The following FER variants were observed in gnomAD, a reference collection of about 807,000 sequenced individuals.
The protein encoded by FER is FER tyrosine kinase.
A neutral mutation model predicts 111.0 loss-of-function variants in FER; 63 were observed. The ratio of observed to expected loss-of-function variants is 0.57; its 90% confidence interval spans 0.46 to 0.70. The LOEUF (loss-of-function observed/expected upper bound fraction) is 0.70, where lower values mean the gene tolerates loss of function less well. FER is among the 30% of genes least tolerant of loss of function. FER has a pLI of 0.00. For missense variants in FER, 914 were observed against 954.0 expected (o/e 0.96, Z 0.55); for synonymous variants, 327 against 313.9 (o/e 1.04, Z -0.44).
At chr5:108,852,040 T>C (rs906614490) in intron 5 of FER, among the ~76,000 whole-genome samples, 2 of 152,228 alleles carry the variant, frequency 1.3e-5, no homozygotes, top group Non-Finnish European at 2.9e-5. Context: ...ATCTTCCTAA[T>C]TATCCTTTCT....
intron 17 of FER, among the ~76,000 whole-genome samples, chr5:109,138,579 C>T (rs1753160052): frequency 6.6e-6 from 1 of 152,102 alleles, no homozygotes; most frequent in African/African-American, 2.4e-5. Flanking sequence ...TAGTTACTCT[C>T]CCCAACCCCT....
chr5:108,833,893 A>G (rs1580779704), intron 4 of FER, among the ~76,000 whole-genome samples: 2 of 152,122 alleles, frequency 1.3e-5, no homozygotes, highest in African/African-American at 2.4e-5. Flanking sequence ...AAAAAAATGT[A>G]ACTACAATAC....
chr5:108,900,407 C>T (rs1015775457), intron 10 of FER, among the ~76,000 whole-genome samples: 1 of 152,146 alleles, frequency 6.6e-6, no homozygotes, highest in African/African-American at 2.4e-5. Flanking sequence ...CCCCAAATGA[C>T]TGTTTAAGCA....
At chr5:108,759,205 C>T (rs1580392183) in intron 1 of FER, among the ~76,000 whole-genome samples, 1 of 152,200 alleles carries the variant, frequency 6.6e-6, no homozygotes, top group African/African-American at 2.4e-5. Context: ...CTTCATCACT[C>T]TTAAGTTCTG....
At position 109,147,800 on chromosome 5, in the gene FER, TAG is replaced by T. The variant is rs750473377; in HGVS notation, c.2049-32921_2049-32920del. On this transcript the variant is annotated intron_variant, in intron 17 of 19. Transcript: ENST00000281092. ...ACATACATATATATATATATATATA[TAG>T]AGAGAGAGAGAGAGAGAGAGAGAGA... Among the ~76,000 whole-genome samples the T allele has an allele frequency of 5.8e-3, 689 of 118,524 alleles. 2 individuals are homozygous for T. Among genetic ancestry groups the T allele is most frequent in the African/African-American group, 0.014 (443 of 31,058 alleles). The allele number at this position is 118,524 out of a possible 152,430, so 77.8% of individuals were successfully genotyped here.
At chr5:109,079,760 G>C (rs1054100950) in intron 16 of FER, among the ~76,000 whole-genome samples, 1 of 152,048 alleles carries the variant, frequency 6.6e-6, no homozygotes, top group Non-Finnish European at 1.5e-5. Flanking sequence ...CATTAGATTA[G>C]ATTCTGCAGA....
intron 5 of FER, among the ~76,000 whole-genome samples, chr5:108,866,804 T>A (rs185451343): frequency 6.0e-4 from 92 of 152,240 alleles, no homozygotes; most frequent in African/African-American, 2.2e-3. Flanking sequence ...CAAGAAATAT[T>A]TGTGTAATTT....
intron 13 of FER, among the ~76,000 whole-genome samples, chr5:108,997,643 C>T (rs570662548): frequency 1.8e-4 from 28 of 152,212 alleles, no homozygotes; most frequent in African/African-American, 6.3e-4. Context: ...TTACCCTTAG[C>T]AGAGCTCCGG....
At chr5:108,883,655 A>T (rs765332435) in intron 9 of FER, 137 bp downstream of exon 9, 36 of 673,004 alleles carry the variant, frequency 5.3e-5, no homozygotes, top group Non-Finnish European at 7.6e-5. Flanking sequence ...TTGTATAGTT[A>T]ATTTCTAGGA....
At chr5:109,023,276 G>A (rs1768184329) in intron 13 of FER, among the ~76,000 whole-genome samples, 1 of 152,116 alleles carries the variant, frequency 6.6e-6, no homozygotes, top group East Asian at 1.9e-4. Flanking sequence ...TGAGAACCTG[G>A]ATGAATAGTA....
intron 13 of FER, among the ~76,000 whole-genome samples, chr5:109,033,185 T>G (rs1228891203): frequency 6.6e-6 from 1 of 152,246 alleles, no homozygotes; most frequent in Non-Finnish European, 1.5e-5. Flanking sequence ...TCCTATTTCT[T>G]GGAAGAGACT....
In FER at chr5:108,871,430, A is replaced by G. The variant is rs1408558251; in HGVS notation, c.731A>G (p.His244Arg). 3 of 1,610,442 alleles carry G rather than the reference A, an allele frequency of 1.9e-6. No homozygotes were observed. The highest frequency in any genetic ancestry group is 1.7e-6 in the Non-Finnish European group (2 of 1,177,040). ...GTCACAGAGGAAATAGTGAATGTCC[A>G]TAAAGAGATTCAAATGTCGGTTGAA... ...SLVTEEIVNV[H>R]KEIQMSVEQI... The change falls in exon 7 of 20, where the codon CAT (histidine) becomes CGT (arginine). Residue 244 changes from histidine (H) to arginine (R), a missense_variant. His to Arg is a conservative substitution (Grantham distance 29, BLOSUM62 0). Around this residue, in one of 3 missense-constraint regions of FER, gnomAD observed 774 missense variants for 782.6 expected, o/e 0.99. Coordinates refer to ENST00000281092, the MANE Select transcript of FER (RefSeq NM_005246.4).
intron 17 of FER, among the ~76,000 whole-genome samples, chr5:109,122,373 A>G (rs1031187439): frequency 2.0e-5 from 3 of 152,092 alleles, no homozygotes; most frequent in African/African-American, 7.2e-5. Context: ...GTGTTTGTAT[A>G]GTTTCCAAAA....
At chr5:109,092,313 A>G (rs1746907516) in intron 16 of FER, among the ~76,000 whole-genome samples, 1 of 101,094 alleles carries the variant, frequency 9.9e-6, no homozygotes, top group Non-Finnish European at 2.2e-5. Context: ...AAAAAAAAAC[A>G]TCAGAGGGAA....
At chr5:109,084,177 G>A (rs1777299529) in intron 16 of FER, among the ~76,000 whole-genome samples, 1 of 151,918 alleles carries the variant, frequency 6.6e-6, no homozygotes, top group Admixed American at 6.6e-5. Context: ...TTCGTCACCA[G>A]GGGTAAGCAC....
chr5:108,994,909 C>T (rs184959257), intron 13 of FER, among the ~76,000 whole-genome samples: 25 of 152,140 alleles, frequency 1.6e-4, no homozygotes, highest in African/African-American at 6.0e-4. Context: ...TGGTGCTTTG[C>T]TTGTCTATTG....
rs1561500174 is a variant in FER at position 108,844,079 on chromosome 5, T to TGTGTGTGAACACAC, written c.481+8272_481+8273insGTGTGTGAACACAC. Among the ~76,000 whole-genome samples, 5 of 144,402 alleles carry TGTGTGTGAACACAC rather than the reference T, an allele frequency of 3.5e-5. No homozygotes were observed. The South Asian group carries it at 1.1e-3, about 31-fold the overall frequency. The allele number at this position is 144,402 out of a possible 152,430, so 94.7% of individuals were successfully genotyped here. ...GTGAACATATATATGTGTGTGAACA[T>TGTGTGTGAACACAC]ATATGCGTGTGAACATATGTGTGTG... On this transcript the variant is annotated intron_variant, in intron 5 of 19. Transcript: ENST00000281092.
intron 18 of FER, 91 bp from the exon 19 acceptor site, chr5:109,186,109 G>T (rs924687949): frequency 2.5e-5 from 39 of 1,545,066 alleles, no homozygotes; most frequent in Non-Finnish European, 2.0e-5. Context: ...TCATTATGTG[G>T]TGCATGACTG....
intron 3 of FER, chr5:108,817,981 C>T (rs893901088): frequency 9.9e-5 from 15 of 152,044 alleles, no homozygotes; most frequent in Non-Finnish European, 2.2e-4. Context: ...TTAATGTATG[C>T]AATGATCTCG....
Sources: gnomAD v4.1 joint callset for allele counts (sites outside exome capture counted in the v4.1 genomes callset) on GRCh38, gnomAD v4.1.1 for gene constraint, gnomAD v4.1.1 regional missense constraint, MANE v1.5 for transcripts, NCBI Gene and HGNC (gene_info 2026-07-23, HGNC 2026-07-21) for gene names.